The following ZYG11B variants were observed in gnomAD, a reference collection of about 807,000 sequenced individuals.
ZYG11B encodes the protein protein zyg-11 homolog B.
In ZYG11B, 36 loss-of-function variants were observed where a neutral mutation model predicts 82.4. The observed-to-expected ratio is 0.44, with a 90% CI of 0.33 to 0.58. The LOEUF (loss-of-function observed/expected upper bound fraction) is 0.58. ZYG11B is among the 20% of genes least tolerant of loss of function. The pLI, the probability that ZYG11B is intolerant of heterozygous loss-of-function variation, is 0.02. For missense variants in ZYG11B, 552 were observed against 895.6 expected, an observed-to-expected ratio of 0.62 and a Z score of 4.90; for synonymous variants, 303 against 312.8, an observed-to-expected ratio of 0.97 and a Z score of 0.33.
chr1:52,807,491 C>CTTT lies in ZYG11B; in HGVS notation c.1695+5368_1695+5370dup, dbSNP rs34785263. On this transcript the variant is annotated intron_variant, in intron 10 of 13. Coordinates refer to ENST00000294353, the MANE Select transcript of ZYG11B (RefSeq NM_024646.3). ...GTATAGTTCAGAATTGCTAAGAGTA[C>CTTT]TTTTTTTTTTTTTTTTTTGAGACAG... 2.2e-3 allele frequency among the ~76,000 whole-genome samples: 278 copies of CTTT among 128,918 alleles called. 8 individuals carry two copies. Among genetic ancestry groups the CTTT allele is most frequent in the Admixed American group, 2.7e-3 (32 of 12,044 alleles). 84.6% of individuals were successfully genotyped at this position (128,918 alleles called of 152,430 possible).
chr1:52,789,176 G>C (rs1248800269), intron 5 of ZYG11B, among the ~76,000 whole-genome samples: 1 of 152,008 alleles, frequency 6.6e-6, no homozygotes, highest in Non-Finnish European at 1.5e-5. Context: ...TAATCTTTCT[G>C]CATCTTCCAT....
At chr1:52,756,821 T>TC (rs1251802679) in intron 2 of ZYG11B, among the ~76,000 whole-genome samples, 198 bp downstream of exon 2, 1 of 150,434 alleles carries the variant, frequency 6.6e-6, no homozygotes, top group Non-Finnish European at 1.5e-5. Context: ...TTTTCTTTTT[T>TC]TTTTTTTTTT....
intron 6 of ZYG11B, among the ~76,000 whole-genome samples, chr1:52,791,529 C>A (rs978279948): frequency 6.6e-6 from 1 of 151,776 alleles, no homozygotes; most frequent in African/African-American, 2.4e-5. Flanking sequence ...CCATCATACC[C>A]GGCTAATTTT....
At chr1:52,780,122 A>C in intron 4 of ZYG11B, 129 bp downstream of exon 4, 1 of 842,364 alleles carries the variant, frequency 1.2e-6, no homozygotes, top group Admixed American at 2.9e-5. Flanking sequence ...ATGACGTGTG[A>C]TTTCAATCAT....
chr1:52,821,435 T>C lies in ZYG11B; in HGVS notation c.2045-4T>C, dbSNP rs1234617445. The C allele has an allele frequency of 6.6e-7, 1 of 1,512,722 alleles. No homozygotes were observed. Among genetic ancestry groups the C allele is most frequent in the Non-Finnish European group, 8.9e-7 (1 of 1,125,740 alleles). The allele number at this position is 1,512,722 out of a possible 1,614,324, so 93.7% of individuals were successfully genotyped here. ...TTTTGTGTGTGTTTTTTTTTCTTTTTCAGCTTCAAGGTATTGCAGCATGCT... is the reference window on the plus strand; with the variant it reads ...TTTTGTGTGTGTTTTTTTTTCTTTTCCAGCTTCAAGGTATTGCAGCATGCT... On this transcript the variant is annotated splice_region_variant and splice_polypyrimidine_tract_variant and intron_variant, in intron 13 of 13. Transcript: ENST00000294353.
At chr1:52,768,643 G>A (rs933231972) in intron 2 of ZYG11B, among the ~76,000 whole-genome samples, 1 of 141,856 alleles carries the variant, frequency 7.0e-6, no homozygotes, top group Non-Finnish European at 1.5e-5. Context: ...CGCCCAGGCT[G>A]GAGTGCAGTG....
Position 52,823,458 on chromosome 1 carries a change from C to T in ZYG11B, c.*1829C>T, listed in dbSNP as rs1214379055. 3 of 150,710 alleles carry T rather than the reference C, an allele frequency of 2.0e-5. No homozygotes were observed. The highest frequency in any genetic ancestry group is 1.9e-4 in the East Asian group (1 of 5,162). 9.3% of individuals were successfully genotyped at this position (150,710 alleles called of 1,614,324 possible). On this transcript the variant is annotated 3_prime_UTR_variant, in exon 14 of 14. Coordinates refer to ENST00000294353, the MANE Select transcript of ZYG11B (RefSeq NM_024646.3). ...AATTGGCTTAAGGAATTTTTATAGGCGTAAGATAAATTTTCACAGACTAAG... is the reference window on the plus strand; with the variant it reads ...AATTGGCTTAAGGAATTTTTATAGGTGTAAGATAAATTTTCACAGACTAAG...
chr1:52,805,324 T>G (rs945201715), intron 10 of ZYG11B: 7 of 341,408 alleles, frequency 2.1e-5, no homozygotes, highest in Non-Finnish European at 3.5e-5. Context: ...AGGAGATGGA[T>G]TTTTAGGAAA....
intron 1 of ZYG11B, among the ~76,000 whole-genome samples, chr1:52,732,232 C>T (rs142818237): frequency 9.3e-4 from 141 of 152,290 alleles, no homozygotes; most frequent in African/African-American, 3.3e-3. Context: ...GAAATCCCTT[C>T]CAAGCTTATG....
At chr1:52,783,805 T>TACACACACACACAC (rs144122989) in intron 4 of ZYG11B, among the ~76,000 whole-genome samples, 49 of 135,002 alleles carry the variant, frequency 3.6e-4, no homozygotes, top group Admixed American at 8.2e-4. Context: ...TATATATATA[T>TACACACACACACAC]ACACACACAC....
chr1:52,821,706 G>C lies in ZYG11B; in HGVS notation c.*77G>C, dbSNP rs1336772839. On this transcript the variant is annotated 3_prime_UTR_variant, in exon 14 of 14. Coordinates refer to ENST00000294353, the MANE Select transcript of ZYG11B (RefSeq NM_024646.3). ...CCATTTGGAATATCTTACCCTCCCT[G>C]ATGTTTTGGGGGTTTCTATGACAAG... 4 of 1,377,578 alleles carry C rather than the reference G, an allele frequency of 2.9e-6. No homozygotes were observed. Among genetic ancestry groups the C allele is most frequent in the Non-Finnish European group, 4.0e-6 (4 of 1,010,010 alleles). The allele number at this position is 1,377,578 out of a possible 1,614,324, so 85.3% of individuals were successfully genotyped here.
Position 52,762,980 on chromosome 1 carries a change from G to C in ZYG11B, c.196+6357G>C, listed in dbSNP as rs79094208. Among the ~76,000 whole-genome samples, 31 of 142,442 alleles carry C rather than the reference G, an allele frequency of 2.2e-4. 1 individual carries two copies. The East Asian group carries it at 2.3e-3, about 10-fold the overall frequency. The allele number at this position is 142,442 out of a possible 152,430, so 93.4% of individuals were successfully genotyped here. ...GTTTTTGTAAAGGTGAGAGATTGGG[G>C]GGGGGGGGTCTAGTTTCATTCTTTT... is the stretch of plus-strand genomic sequence containing the variant. On this transcript the variant is annotated intron_variant, in intron 2 of 13. Transcript: ENST00000294353.
At chr1:52,796,965 ATAAT>A (rs1558137284) in intron 8 of ZYG11B, among the ~76,000 whole-genome samples, 181 bp downstream of exon 8, 1 of 82,050 alleles carries the variant, frequency 1.2e-5, no homozygotes, top group African/African-American at 6.1e-5. Flanking sequence ...TATATTATAT[ATAAT>A]ATATATAAAT....
intron 13 of ZYG11B, 139 bp from the exon 14 acceptor site, chr1:52,821,300 G>C: frequency 1.3e-6 from 1 of 741,636 alleles, no homozygotes. Context: ...TATTTATCAA[G>C]CTGTAGCATG....
intron 3 of ZYG11B, chr1:52,772,076 T>G: frequency 1.3e-6 from 1 of 751,270 alleles, no homozygotes; most frequent in South Asian, 1.6e-5. Flanking sequence ...AACAATAGGT[T>G]GTCTTATGAT....
At chr1:52,786,738 G>A (rs1025788978) in intron 5 of ZYG11B, among the ~76,000 whole-genome samples, 3 of 152,074 alleles carry the variant, frequency 2.0e-5, no homozygotes, top group African/African-American at 7.2e-5. Context: ...CTGTGATCAA[G>A]CCACTGTACT....
chr1:52,803,115 TATACACACATATATATATACACAC>T (rs1645096145), intron 10 of ZYG11B, among the ~76,000 whole-genome samples: 20 of 58,296 alleles, frequency 3.4e-4, no homozygotes, highest in African/African-American at 1.0e-3. Flanking sequence ...TATATATATA[TATACACACATATATATATACACAC>T]ATATATATAT....
intron 1 of ZYG11B, among the ~76,000 whole-genome samples, chr1:52,747,896 A>C (rs1644489911): frequency 6.6e-6 from 1 of 152,158 alleles, no homozygotes; most frequent in South Asian, 2.1e-4. Flanking sequence ...GATAGCCTCA[A>C]TGTCCTTATC....
chr1:52,815,581 C>T (rs2149966311), intron 12 of ZYG11B, among the ~76,000 whole-genome samples: 1 of 152,236 alleles, frequency 6.6e-6, no homozygotes, highest in East Asian at 1.9e-4. Flanking sequence ...GATCGCCTTA[C>T]TGCACTCCAG....
Sources: gnomAD v4.1 joint callset for allele counts (sites outside exome capture counted in the v4.1 genomes callset) on GRCh38, gnomAD v4.1.1 for gene constraint, MANE v1.5 for transcripts, NCBI Gene and HGNC (gene_info 2026-07-23, HGNC 2026-07-21) for gene names.